Variants in CD9 observed in about 807,000 individuals in gnomAD.
The protein encoded by CD9 is CD9 antigen.
In CD9, 10 loss-of-function variants were observed where a neutral mutation model predicts 31.4. That is an observed-to-expected ratio of 0.32 (90% CI 0.20 to 0.54). CD9 has a LOEUF of 0.54. Among genes scored for constraint, CD9 ranks in the 20% least tolerant of loss-of-function variants. The pLI, the probability that CD9 is intolerant of heterozygous loss-of-function variation, is 0.94. For synonymous variants in CD9, 113 were observed against 114.1 expected (o/e 0.99, Z 0.06); for missense variants, 259 against 300.1 (o/e 0.86, Z 1.01).
chr12:6,211,028 G>A (rs1465499656), intron 1 of CD9, among the ~76,000 whole-genome samples: 1 of 151,872 alleles, frequency 6.6e-6, no homozygotes, highest in East Asian at 1.9e-4. Context: ...AGTAGAGATG[G>A]GGTTTCACCA....
intron 1 of CD9, among the ~76,000 whole-genome samples, chr12:6,214,597 CCT>C (rs1237035445): frequency 6.6e-6 from 1 of 152,064 alleles, no homozygotes; most frequent in Admixed American, 6.5e-5. Flanking sequence ...ATTCCGCCCC[CCT>C]CTCAGCCTCC....
intron 4 of CD9, among the ~76,000 whole-genome samples, 180 bp downstream of exon 4, chr12:6,233,666 G>A (rs113929606): frequency 2.0e-5 from 3 of 152,190 alleles, no homozygotes; most frequent in South Asian, 2.1e-4. Context: ...ATGTCAGTGC[G>A]CTTACTGTCC....
At chr12:6,225,606 A>G (rs1223942215) in intron 2 of CD9, 72 bp downstream of exon 2, 4 of 946,422 alleles carry the variant, frequency 4.2e-6, no homozygotes, top group South Asian at 1.3e-5. Context: ...TGGAGGCCCC[A>G]TGTTGACCCA....
intron 7 of CD9, 80 bp from the exon 8 acceptor site, chr12:6,237,683 G>T: frequency 9.6e-7 from 1 of 1,037,112 alleles, no homozygotes. Context: ...CTTGGACTGG[G>T]TGACCCATGT....
At chr12:6,203,003 G>A (rs1436484176) in intron 1 of CD9, among the ~76,000 whole-genome samples, 5 of 152,152 alleles carry the variant, frequency 3.3e-5, no homozygotes, top group African/African-American at 4.8e-5. Context: ...GGGTCCCTGT[G>A]GAGATGAAGC....
Position 6,236,243 on chromosome 12 carries a change from G to A in CD9, c.589G>A (p.Gly197Ser), listed in dbSNP as rs758825015. Residue 197 changes from glycine to serine, a missense_variant, in exon 7 of 8, where the codon GGC becomes AGC. Transcript: ENST00000009180. Reference protein sequence around the residue: ...EVFDNKFHIIGAVGIGIAVVM... With the variant: ...EVFDNKFHIISAVGIGIAVVM... The stretch of plus-strand genomic sequence containing the variant: ...CTTCGACAATAAATTCCACATCATC[G>A]GCGCAGTGGGCATCGGCATTGCCGT... 23 of 1,614,188 alleles carry A rather than the reference G, an allele frequency of 1.4e-5. No homozygotes were observed. In the South Asian group the frequency reaches 2.2e-4, roughly 15 times the overall value.
In CD9 at chr12:6,213,540, T is replaced by C. The variant is rs145273649; in HGVS notation, c.67-11886T>C. On this transcript the variant is annotated intron_variant, in intron 1 of 7. Coordinates refer to ENST00000009180, the MANE Select transcript of CD9 (RefSeq NM_001769.4). ...GGAAATTGAAGGAAAATCTACTTCATGTCCACACCAAGAAGGGTGGCCTCA... is the reference window on the plus strand; with the variant it reads ...GGAAATTGAAGGAAAATCTACTTCACGTCCACACCAAGAAGGGTGGCCTCA... Among the ~76,000 whole-genome samples the C allele has an allele frequency of 5.6e-4, 85 of 152,368 alleles. No individual in the cohort carries two copies. In the East Asian group the frequency reaches 0.014, roughly 25 times the overall value.
In CD9 at chr12:6,235,511, G is replaced by A; in HGVS notation, c.483G>A (p.Gln161=). 1 of 1,614,024 alleles carries A rather than the reference G, an allele frequency of 6.2e-7. No individual in the cohort carries two copies. Among genetic ancestry groups the A allele is most frequent in the Non-Finnish European group, 8.5e-7 (1 of 1,179,868 alleles). ...GTGGTTTGGCTGGGGGCGTGGAACAGTTTATCTCAGACATCTGCCCCAAGA... is the reference window on the plus strand; with the variant it reads ...GTGGTTTGGCTGGGGGCGTGGAACAATTTATCTCAGACATCTGCCCCAAGA... ...NCCGLAGGVE[Q]FISDICPKKD... The change falls in exon 6 of 8, where the codon CAG becomes CAA. Residue 161 remains glutamine, a synonymous_variant. Transcript: ENST00000009180.
intron 2 of CD9, chr12:6,226,268 C>T (rs765788618): frequency 6.6e-6 from 1 of 152,204 alleles, no homozygotes; most frequent in Non-Finnish European, 1.5e-5. Context: ...TCAAAGCTCC[C>T]TTCAGAGGAG....
chr12:6,204,971 C>A (rs541538471), intron 1 of CD9, among the ~76,000 whole-genome samples: 1 of 152,352 alleles, frequency 6.6e-6, no homozygotes, highest in Non-Finnish European at 1.5e-5. Flanking sequence ...GGGAAGGCCC[C>A]GCTTCTGAAA....
In CD9 at chr12:6,225,563, C is replaced by G. The variant is rs150489564; in HGVS notation, c.175+29C>G. 2.9e-4 allele frequency: 412 copies of G among 1,401,570 alleles called. 1 individual carries two copies. In the East Asian group the frequency reaches 7.7e-3, roughly 26 times the overall value. 86.8% of individuals were successfully genotyped at this position (1,401,570 alleles called of 1,614,324 possible). A position where few individuals can be genotyped will look rare whatever the true frequency, so the allele number is the denominator to read the frequency against. On this transcript the variant is annotated intron_variant, in intron 2 of 7. Transcript: ENST00000009180. Reference sequence around the variant, plus strand: ...AGGGACGGGGAAGGCTCAGTGAATTCAGACCCTGGCTCCAACAAAGTTCCT... The same window carrying G: ...AGGGACGGGGAAGGCTCAGTGAATTGAGACCCTGGCTCCAACAAAGTTCCT...
chr12:6,208,161 T>G (rs1591963232), intron 1 of CD9, among the ~76,000 whole-genome samples: 1 of 151,406 alleles, frequency 6.6e-6, no homozygotes, highest in Admixed American at 6.6e-5. Context: ...GAGGCGGCGG[T>G]TGCAGTGAGC....
In CD9 at chr12:6,237,831, T is replaced by G. The variant is rs771146611; in HGVS notation, c.*3T>G. Reference sequence around the variant, plus strand: ...GCAGGAACCGCGAGATGGTCTAGAGTCAGCTTACATCCCTGAGCAGGAAAG... The same window carrying G: ...GCAGGAACCGCGAGATGGTCTAGAGGCAGCTTACATCCCTGAGCAGGAAAG... On this transcript the variant is annotated 3_prime_UTR_variant, in exon 8 of 8. Coordinates refer to ENST00000009180, the MANE Select transcript of CD9 (RefSeq NM_001769.4). 1 of 1,606,754 alleles carries G rather than the reference T, an allele frequency of 6.2e-7. No homozygotes were observed. Among genetic ancestry groups the G allele is most frequent in the South Asian group, 1.1e-5 (1 of 90,844 alleles).
intron 1 of CD9, among the ~76,000 whole-genome samples, chr12:6,208,649 G>A (rs946317736): frequency 2.6e-5 from 4 of 151,822 alleles, no homozygotes; most frequent in African/African-American, 4.8e-5. Context: ...GCAGCTCACC[G>A]CAACCTCCGC....
At chr12:6,221,711 C>T (rs934857709) in intron 1 of CD9, among the ~76,000 whole-genome samples, 1 of 150,114 alleles carries the variant, frequency 6.7e-6, no homozygotes, top group African/African-American at 2.5e-5. Context: ...CGCAGTGGCT[C>T]ACACCTGTAA....
At chr12:6,236,831 C>A (rs1195140748) in intron 7 of CD9, 1 of 229,082 alleles carries the variant, frequency 4.4e-6, no homozygotes, top group Non-Finnish European at 8.4e-6. Flanking sequence ...AGTCTTCCCC[C>A]ACCCCCGCCT....
In CD9 at chr12:6,217,963, G is replaced by C. The variant is rs1018890392; in HGVS notation, c.67-7463G>C. ...AAATGGGCTGGGTACAGTGGCTCAT[G>C]CTTGTAATCCCAGCACTTTGAGAGG... On this transcript the variant is annotated intron_variant, in intron 1 of 7. Coordinates refer to ENST00000009180, the MANE Select transcript of CD9 (RefSeq NM_001769.4). Among the ~76,000 whole-genome samples, 4 of 152,306 alleles carry C rather than the reference G, an allele frequency of 2.6e-5. No individual in the cohort carries two copies. In the South Asian group the frequency reaches 8.3e-4, roughly 32 times the overall value.
At chr12:6,215,999 G>A (rs1946239200) in intron 1 of CD9, among the ~76,000 whole-genome samples, 1 of 152,202 alleles carries the variant, frequency 6.6e-6, no homozygotes, top group African/African-American at 2.4e-5. Flanking sequence ...AACAGCCCCA[G>A]CCTTCATTTG....
chr12:6,201,901 G>A (rs565283322), intron 1 of CD9, among the ~76,000 whole-genome samples: 126 of 152,304 alleles, frequency 8.3e-4, no homozygotes, highest in African/African-American at 2.8e-3. Context: ...AGCTGGGCGT[G>A]TTGGCATGCA....
Sources: gnomAD v4.1 joint callset for allele counts (sites outside exome capture counted in the v4.1 genomes callset) on GRCh38, gnomAD v4.1.1 for gene constraint, MANE v1.5 for transcripts, NCBI Gene and HGNC (gene_info 2026-07-23, HGNC 2026-07-21) for gene names.